SCHIP1: variants seen among roughly 807,000 people sequenced by gnomAD.
The protein encoded by SCHIP1 is schwannomin interacting protein 1, also known as schwannomin-interacting protein 1.
In SCHIP1, 8 loss-of-function variants were observed where a neutral mutation model predicts 29.7. The observed-to-expected ratio is 0.27, with a 90% CI of 0.16 to 0.49. SCHIP1 has a LOEUF of 0.49. SCHIP1 is among the 20% of genes least tolerant of loss of function. SCHIP1 has a pLI of 0.99. For synonymous variants in SCHIP1, 76 were observed against 94.9 expected (o/e 0.80, Z 1.16); for missense variants, 193 against 294.6 (o/e 0.66, Z 2.52).
chr3:159,602,070 G>A, the SCHIP1 span, among the ~76,000 whole-genome samples: 1 of 152,160 alleles, frequency 6.6e-6, no homozygotes, highest in Non-Finnish European at 1.5e-5. Context: ...CTGGTATCAG[G>A]GATTCATGTG....
upstream of SCHIP1, among the ~76,000 whole-genome samples, chr3:159,839,576 T>C (rs1009236139): frequency 7.3e-5 from 11 of 151,396 alleles, no homozygotes; most frequent in African/African-American, 2.7e-4. Flanking sequence ...CAGAATGGAT[T>C]GTTCTCTCTT....
At chr3:159,418,775 G>C in the SCHIP1 span, among the ~76,000 whole-genome samples, 1 of 150,542 alleles carries the variant, frequency 6.6e-6, no homozygotes, top group South Asian at 2.1e-4. Context: ...TCTAAGACTT[G>C]GTGATAGCCT....
chr3:159,590,843 C>CATTTTT, the SCHIP1 span, among the ~76,000 whole-genome samples: 1 of 152,158 alleles, frequency 6.6e-6, no homozygotes. Flanking sequence ...TTCTCAACCT[C>CATTTTT]ATTTTTATTT....
At chr3:159,885,161 C>A (rs1347556146) in intron 2 of SCHIP1, among the ~76,000 whole-genome samples, 2 of 152,152 alleles carry the variant, frequency 1.3e-5, no homozygotes, top group Non-Finnish European at 2.9e-5. Context: ...GTAAGTTGTT[C>A]TTGGCATTTC....
chr3:159,513,762 G>T, the SCHIP1 span, among the ~76,000 whole-genome samples: 171 of 152,324 alleles, frequency 1.1e-3, 2 homozygotes, highest in African/African-American at 4.0e-3. Flanking sequence ...GAGGGTCAGT[G>T]GGATGAGATT....
chr3:159,646,430 T>C, the SCHIP1 span, among the ~76,000 whole-genome samples: 1 of 152,088 alleles, frequency 6.6e-6, no homozygotes, highest in Non-Finnish European at 1.5e-5. Flanking sequence ...ACTGACAGAC[T>C]TTCTTAGAGC....
the SCHIP1 span, among the ~76,000 whole-genome samples, chr3:159,408,450 C>A: frequency 6.7e-6 from 1 of 149,030 alleles, no homozygotes; most frequent in African/African-American, 2.5e-5. Context: ...GAGAGAAGAT[C>A]CAAATAAATT....
At chr3:159,382,876 C>T in the SCHIP1 span, among the ~76,000 whole-genome samples, 2 of 151,996 alleles carry the variant, frequency 1.3e-5, no homozygotes, top group East Asian at 3.9e-4. Flanking sequence ...AGCATTTTTG[C>T]ATGTCTTTTT....
the SCHIP1 span, among the ~76,000 whole-genome samples, chr3:159,799,040 G>C: frequency 6.6e-6 from 1 of 152,254 alleles, no homozygotes. Context: ...AGAGGAGTTG[G>C]GTAATGAAGA....
At chr3:159,318,087 C>T in the SCHIP1 span, among the ~76,000 whole-genome samples, 1 of 152,144 alleles carries the variant, frequency 6.6e-6, no homozygotes, top group Non-Finnish European at 1.5e-5. Context: ...TAACCTCCAT[C>T]CCTGCCACCA....
chr3:159,429,963 G>A, the SCHIP1 span, among the ~76,000 whole-genome samples: 1 of 152,150 alleles, frequency 6.6e-6, no homozygotes, highest in African/African-American at 2.4e-5. Flanking sequence ...AGCCTTAAGA[G>A]GGAAAAATTG....
intron 2 of SCHIP1, among the ~76,000 whole-genome samples, chr3:159,871,586 T>C (rs1265761845): frequency 6.6e-6 from 1 of 152,184 alleles, no homozygotes; most frequent in Non-Finnish European, 1.5e-5. Context: ...AGGACACAGC[T>C]CTTTCATTGG....
the SCHIP1 span, among the ~76,000 whole-genome samples, chr3:159,499,888 T>A: frequency 6.6e-6 from 1 of 152,232 alleles, no homozygotes; most frequent in South Asian, 2.1e-4. Context: ...CGTAGTCCGG[T>A]TTCTCATTTT....
chr3:159,768,909 G>T, the SCHIP1 span, among the ~76,000 whole-genome samples: 3 of 152,218 alleles, frequency 2.0e-5, no homozygotes, highest in African/African-American at 7.2e-5. Flanking sequence ...TCCCAGAAGT[G>T]CCCCTTCCAT....
chr3:159,854,395 TGTGGGGACTGTTTTAA>T (rs1713064028), intron 1 of SCHIP1, among the ~76,000 whole-genome samples: 1 of 152,116 alleles, frequency 6.6e-6, no homozygotes, highest in African/African-American at 2.4e-5. Context: ...TGTGTGTGAG[TGTGGGGACTGTTTTAA>T]GTATATACTG....
At chr3:159,742,780 G>A in the SCHIP1 span, among the ~76,000 whole-genome samples, 1 of 149,402 alleles carries the variant, frequency 6.7e-6, no homozygotes, top group Non-Finnish European at 1.5e-5. Flanking sequence ...CAATTTTCCT[G>A]CCTCAGCCTT....
chr3:159,290,545 A>G, the SCHIP1 span, among the ~76,000 whole-genome samples: 1 of 152,184 alleles, frequency 6.6e-6, no homozygotes, highest in Admixed American at 6.5e-5. Flanking sequence ...AAAATAAGGG[A>G]ATCTCTAAAA....
chr3:159,571,870 G>A, the SCHIP1 span, among the ~76,000 whole-genome samples: 9 of 152,232 alleles, frequency 5.9e-5, no homozygotes, highest in Admixed American at 2.0e-4. Context: ...TGTATGTGTC[G>A]AGGAATTTAT....
At chr3:159,341,540 C>A in the SCHIP1 span, among the ~76,000 whole-genome samples, 1 of 152,120 alleles carries the variant, frequency 6.6e-6, no homozygotes, top group Non-Finnish European at 1.5e-5. Flanking sequence ...ATCAAGCCAG[C>A]TCACACAGGG....
Sources: gnomAD v4.1 joint callset for allele counts (sites outside exome capture counted in the v4.1 genomes callset) on GRCh38, gnomAD v4.1.1 for gene constraint, MANE v1.5 for transcripts, NCBI Gene and HGNC (gene_info 2026-07-23, HGNC 2026-07-21) for gene names.